NARS2: variants seen among roughly 807,000 people sequenced by gnomAD.
NARS2 encodes asparaginyl-tRNA synthetase 2, mitochondrial.
NARS2 carries 60 observed loss-of-function variants against 62.9 expected under a neutral mutation model. The ratio of observed to expected loss-of-function variants is 0.95; its 90% CI spans 0.77 to 1.18. The LOEUF is 1.18. NARS2 is among the 50% of genes most tolerant of loss of function. The pLI is 0.00. For missense variants in NARS2, 619 were observed against 576.4 expected (o/e 1.07, Z -0.76); for synonymous variants, 196 against 200.0 (o/e 0.98, Z 0.17).
rs986969281 is a variant in NARS2, at chr11:78,551,809, C to T, written c.594+7730G>A. On this transcript the variant is annotated intron_variant, in intron 5 of 13. Coordinates refer to ENST00000281038, the MANE Select transcript of NARS2 (RefSeq NM_024678.6). The stretch of plus-strand genomic sequence containing the variant: ...GAGGTTGCAGTGAGCCAAGATTGCG[C>T]CATTGTACTCCAGCCTGGGGAACAA... Among the ~76,000 whole-genome samples the T allele has an allele frequency of 7.9e-5, 12 of 151,980 alleles. No individual in the cohort carries two copies. In the East Asian group the frequency reaches 2.3e-3, roughly 29 times the overall value.
chr11:78,517,370 A>G (rs1860951805), intron 6 of NARS2, among the ~76,000 whole-genome samples: 1 of 147,660 alleles, frequency 6.8e-6, no homozygotes, highest in African/African-American at 2.4e-5. Flanking sequence ...CCTCAACCAA[A>G]GAACACAACT....
At chr11:78,446,768 T>C (rs960471993) in intron 11 of NARS2, among the ~76,000 whole-genome samples, 1 of 152,096 alleles carries the variant, frequency 6.6e-6, no homozygotes, top group African/African-American at 2.4e-5. Flanking sequence ...AAAAGTTCTA[T>C]GACATTAGTC....
chr11:78,461,861 G>A (rs1414700544), intron 11 of NARS2, among the ~76,000 whole-genome samples: 1 of 151,850 alleles, frequency 6.6e-6, no homozygotes, highest in Non-Finnish European at 1.5e-5. Context: ...GCTGAGGCAG[G>A]AGAATTGCTT....
rs199984779 is a variant in NARS2 at position 78,493,157 on chromosome 11, C to G, written c.728G>C (p.Arg243Pro). The G allele has an allele frequency of 1.2e-6, 2 of 1,613,856 alleles. No homozygotes were observed. Among genetic ancestry groups the G allele is most frequent in the South Asian group, 1.1e-5 (1 of 91,054 alleles). ...TQVFTFGPTF[R>P]AENSQSRRHL... ...CCTCCGGCTCTGAGAATTTTCAGCT[C>G]GGAAGGTCGGACCAAAGGTAAACAC... The change falls in exon 7 of 14, where the codon CGA becomes CCA. Residue 243 changes from arginine to proline, a missense_variant. Physicochemically the swap from Arg to Pro is moderately radical, Grantham distance 103 (BLOSUM62 -2). Coordinates refer to ENST00000281038, the MANE Select transcript of NARS2 (RefSeq NM_024678.6).
chr11:78,533,389 G>C (rs928781093), intron 5 of NARS2: 4 of 152,140 alleles, frequency 2.6e-5, no homozygotes, highest in Admixed American at 2.0e-4. Context: ...AAAAAGTCTT[G>C]CTTGTCTTAT....
chr11:78,559,598 G>T lies in NARS2; in HGVS notation c.535C>A (p.His179Asn). 6.2e-7 allele frequency: 1 copy of T among 1,612,516 alleles called. No individual in the cohort carries two copies. Among genetic ancestry groups the T allele is most frequent in the Non-Finnish European group, 8.5e-7 (1 of 1,178,834 alleles). ...FFKDSGFVHIHTPIITSNDSE... is the reference protein window; with the variant it reads ...FFKDSGFVHINTPIITSNDSE... ...TCATTGGATGTGATTATTGGAGTATGAATATGTACAAAGCCACTGTCCTGA... is the reference window on the plus strand; with the variant it reads ...TCATTGGATGTGATTATTGGAGTATTAATATGTACAAAGCCACTGTCCTGA... Residue 179 changes from histidine to asparagine, a missense_variant, in exon 5 of 14, where the codon CAT (histidine) becomes AAT (asparagine). By Grantham distance (68) the His-to-Asn change is moderately conservative. Transcript: ENST00000281038.
intron 6 of NARS2, among the ~76,000 whole-genome samples, chr11:78,511,946 T>C (rs892968952): frequency 2.0e-5 from 3 of 152,158 alleles, no homozygotes; most frequent in Non-Finnish European, 4.4e-5. Context: ...ACTTAATTAT[T>C]TAAACTATAA....
At chr11:78,475,272 G>GTA (rs1350229599) in intron 9 of NARS2, among the ~76,000 whole-genome samples, 1 of 152,028 alleles carries the variant, frequency 6.6e-6, no homozygotes, top group South Asian at 2.1e-4. Flanking sequence ...ATTCCACTGT[G>GTA]TATATATATA....
At position 78,528,847 on chromosome 11, in the gene NARS2, C is replaced by T; in HGVS notation, c.684G>A (p.Met228Ile). Residue 228 changes from methionine (M) to isoleucine (I), a missense_variant, in exon 6 of 14, where the codon ATG (methionine) becomes ATA (isoleucine). Transcript: ENST00000281038. ...TVSGQLHLEVMSGAFTQVFTF... is the reference protein window; with the variant it reads ...TVSGQLHLEVISGAFTQVFTF... ...GAGAAAGGAAAATTTCATACCCTGA[C>T]ATCACTTCTAGATGAAGTTGTCCTG... 1 of 1,602,402 alleles carries T rather than the reference C, an allele frequency of 6.2e-7. No individual in the cohort carries two copies. Among genetic ancestry groups the T allele is most frequent in the African/African-American group, 1.3e-5 (1 of 74,778 alleles).
chr11:78,483,884 A>T (rs998666669), intron 7 of NARS2, among the ~76,000 whole-genome samples: 2 of 152,166 alleles, frequency 1.3e-5, no homozygotes, highest in Non-Finnish European at 2.9e-5. Context: ...AATTAGAAAA[A>T]ACTACATTAA....
chr11:78,556,653 T>C (rs900372939), intron 5 of NARS2, among the ~76,000 whole-genome samples: 10 of 152,248 alleles, frequency 6.6e-5, no homozygotes, highest in South Asian at 2.1e-4. Flanking sequence ...GAAGGAAGTG[T>C]TGCCTGATTC....
At chr11:78,561,712 T>C (rs1290171989) in intron 4 of NARS2, among the ~76,000 whole-genome samples, 1 of 152,232 alleles carries the variant, frequency 6.6e-6, no homozygotes, top group African/African-American at 2.4e-5. Context: ...AAGGAATTGC[T>C]AGCCACAGGC....
chr11:78,571,596 TTA>T, intron 1 of NARS2, 152 bp from the exon 2 acceptor site: 3 of 580,496 alleles, frequency 5.2e-6, no homozygotes, highest in South Asian at 4.5e-5. Context: ...ATACTTAATT[TTA>T]TATGTTCCAA....
At chr11:78,469,129 T>G in intron 10 of NARS2, 118 bp downstream of exon 10, 1 of 674,408 alleles carries the variant, frequency 1.5e-6, no homozygotes, top group South Asian at 1.9e-5. Context: ...AATGAGCAAA[T>G]GCCATATTTT....
chr11:78,459,680 A>T (rs1237628773), intron 11 of NARS2, among the ~76,000 whole-genome samples: 2 of 152,186 alleles, frequency 1.3e-5, no homozygotes, highest in African/African-American at 4.8e-5. Context: ...AGGCCTCCCC[A>T]GCCATGTGGA....
intron 4 of NARS2, among the ~76,000 whole-genome samples, chr11:78,561,762 T>C (rs1002050733): frequency 6.6e-6 from 1 of 152,144 alleles, no homozygotes; most frequent in Non-Finnish European, 1.5e-5. Flanking sequence ...GAACAGATTT[T>C]AAAATTCCAT....
chr11:78,463,278 T>A (rs937526601), intron 11 of NARS2, among the ~76,000 whole-genome samples: 1 of 152,218 alleles, frequency 6.6e-6, no homozygotes, highest in African/African-American at 2.4e-5. Context: ...CAGGCTGGTC[T>A]TGAATTCCTG....
intron 6 of NARS2, among the ~76,000 whole-genome samples, chr11:78,504,358 T>C (rs767204035): frequency 1.3e-5 from 2 of 151,802 alleles, no homozygotes; most frequent in Non-Finnish European, 2.9e-5. Context: ...TTTTGCATAT[T>C]CTCCAACTGT....
At chr11:78,567,136 A>C (rs1856770076) in intron 3 of NARS2, among the ~76,000 whole-genome samples, 1 of 152,230 alleles carries the variant, frequency 6.6e-6, no homozygotes, top group South Asian at 2.1e-4. Context: ...TGAAGCCATC[A>C]ACACCAACAG....
Sources: gnomAD v4.1 joint callset for allele counts (sites outside exome capture counted in the v4.1 genomes callset) on GRCh38, gnomAD v4.1.1 for gene constraint, MANE v1.5 for transcripts, NCBI Gene and HGNC (gene_info 2026-07-23, HGNC 2026-07-21) for gene names.